The following CPPED1 variants were observed in gnomAD, a reference collection of about 807,000 sequenced individuals.
CPPED1 encodes the protein serine/threonine-protein phosphatase CPPED1.
CPPED1 carries 28 observed loss-of-function variants against 28.0 expected under a neutral mutation model. The ratio of observed to expected loss-of-function variants is 1.00; its 90% CI spans 0.74 to 1.37. The LOEUF (loss-of-function observed/expected upper bound fraction) is 1.37, where lower values mean the gene tolerates loss of function less well. CPPED1 is among the 40% of genes most tolerant of loss of function. CPPED1 has a pLI of 0.00. For missense variants in CPPED1, 504 were observed against 416.5 expected (o/e 1.21, Z -1.83); for synonymous variants, 198 against 180.2 (o/e 1.10, Z -0.79).
intron 2 of CPPED1, among the ~76,000 whole-genome samples, chr16:12,766,256 T>TATATATATATATATATATAGAGAGAGAG: frequency 2.2e-5 from 3 of 134,290 alleles, no homozygotes; most frequent in Admixed American, 7.0e-5. Context: ...TATATATATA[T>TATATATATATATATATATAGAGAGAGAG]AGAGAGAGAG....
At chr16:12,725,658 C>T (rs1215365080) in intron 2 of CPPED1, among the ~76,000 whole-genome samples, 1 of 152,040 alleles carries the variant, frequency 6.6e-6, no homozygotes, top group East Asian at 1.9e-4. Context: ...GTCAAAAGGA[C>T]CACAGGTAGA....
intron 2 of CPPED1, among the ~76,000 whole-genome samples, chr16:12,751,881 T>C (rs901232299): frequency 3.3e-5 from 5 of 152,228 alleles, no homozygotes; most frequent in African/African-American, 1.2e-4. Context: ...AAAGAAATTG[T>C]AGCCCAATAC....
chr16:12,671,576 T>C (rs1295481663), intron 3 of CPPED1, among the ~76,000 whole-genome samples: 1 of 152,180 alleles, frequency 6.6e-6, no homozygotes, highest in African/African-American at 2.4e-5. Context: ...TGGGCAGGTG[T>C]GGATCAGCTC....
intron 3 of CPPED1, among the ~76,000 whole-genome samples, chr16:12,691,673 G>A (rs1943402543): frequency 6.6e-6 from 1 of 152,014 alleles, no homozygotes; most frequent in African/African-American, 2.4e-5. Context: ...GGACACGGAT[G>A]AAGCTGGAAC....
At chr16:12,710,879 A>C (rs559315637) in intron 2 of CPPED1, among the ~76,000 whole-genome samples, 9 of 152,330 alleles carry the variant, frequency 5.9e-5, no homozygotes, top group African/African-American at 1.9e-4. Flanking sequence ...AACCTGGTGC[A>C]TTGTTGATGG....
At chr16:12,666,408 C>T (rs891237455) in intron 3 of CPPED1, among the ~76,000 whole-genome samples, 8 of 152,148 alleles carry the variant, frequency 5.3e-5, no homozygotes, top group Non-Finnish European at 1.0e-4. Context: ...AAGCCTGGCT[C>T]CCTGCTGGAA....
rs922204509 is a variant in CPPED1 at position 12,774,164 on chromosome 16, T to C, written c.289+7021A>G. 2.0e-5 allele frequency among the ~76,000 whole-genome samples: 3 copies of C among 152,134 alleles called. No individual in the cohort carries two copies. In the South Asian group the frequency reaches 6.2e-4, roughly 32 times the overall value. On this transcript the variant is annotated intron_variant, in intron 2 of 3. Coordinates refer to ENST00000381774, the MANE Select transcript of CPPED1 (RefSeq NM_018340.3). Reference sequence around the variant, plus strand: ...AGGGATGAGGAGGCATTCTGCTAGATGGCTTTTTAAAAATGTTCCCTCCAA... The same window carrying C: ...AGGGATGAGGAGGCATTCTGCTAGACGGCTTTTTAAAAATGTTCCCTCCAA...
At chr16:12,705,173 CA>C in intron 2 of CPPED1, 124 bp from the exon 3 acceptor site, 2 of 1,058,804 alleles carry the variant, frequency 1.9e-6, no homozygotes, top group East Asian at 5.2e-5. Context: ...CCACCTAGCA[CA>C]TGGAAACTGC....
chr16:12,669,670 TC>T lies in CPPED1; in HGVS notation c.716-4556del, dbSNP rs1190424765. Among the ~76,000 whole-genome samples, 3 of 152,322 alleles carry T rather than the reference TC, an allele frequency of 2.0e-5. No individual in the cohort carries two copies. In the East Asian group the frequency reaches 5.8e-4, roughly 29 times the overall value. On this transcript the variant is annotated intron_variant, in intron 3 of 3. Coordinates refer to ENST00000381774, the MANE Select transcript of CPPED1 (RefSeq NM_018340.3). ...ATAGGCCAGTACATAGACATTCGTT[TC>T]CTTGCTCTGTCAGCTGAGAGCCCCT...
rs1280674686 is a variant in CPPED1 at position 12,704,724 on chromosome 16, G to T, written c.615C>A (p.His205Gln). The T allele has an allele frequency of 1.2e-6, 2 of 1,614,240 alleles. No homozygotes were observed. The highest frequency in any genetic ancestry group is 1.7e-6 in the Non-Finnish European group (2 of 1,180,042). ...RHCQHAIVFQ[H>Q]IPLFLESIDE... ...CGATGCTCTCCAGGAACAGCGGGAT[G>T]TGCTGGAAGACGATGGCATGCTGGC... is the stretch of plus-strand genomic sequence containing the variant. The change falls in exon 3 of 4, where the codon CAC becomes CAA. Residue 205 changes from histidine (H) to glutamine (Q), a missense_variant. Physicochemically the swap from His to Gln is conservative, Grantham distance 24 (BLOSUM62 0). Coordinates refer to ENST00000381774, the MANE Select transcript of CPPED1 (RefSeq NM_018340.3).
chr16:12,691,450 G>C (rs1293188622), intron 3 of CPPED1, among the ~76,000 whole-genome samples: 1 of 152,018 alleles, frequency 6.6e-6, no homozygotes. Context: ...TGACCCAGCC[G>C]TCCCATTACT....
chr16:12,693,173 G>C (rs138232790), intron 3 of CPPED1, among the ~76,000 whole-genome samples: 19 of 152,146 alleles, frequency 1.2e-4, no homozygotes, highest in Non-Finnish European at 2.4e-4. Context: ...GGGCTCCCAG[G>C]ACAATGTCTG....
intron 1 of CPPED1, among the ~76,000 whole-genome samples, chr16:12,793,340 G>C (rs1457710980): frequency 1.3e-5 from 2 of 152,202 alleles, no homozygotes; most frequent in East Asian, 1.9e-4. Flanking sequence ...CAAGTACCCA[G>C]ACCCTAAGTC....
At chr16:12,665,648 G>T (rs1317466298) in intron 3 of CPPED1, among the ~76,000 whole-genome samples, 2 of 152,144 alleles carry the variant, frequency 1.3e-5, no homozygotes, top group Non-Finnish European at 2.9e-5. Flanking sequence ...AAAAAAAAAT[G>T]ACCAGGTGTG....
In CPPED1 at chr16:12,664,318, C is replaced by A; in HGVS notation, c.*568G>T. 1.0e-6 allele frequency: 1 copy of A among 963,616 alleles called. No individual in the cohort carries two copies. Among genetic ancestry groups the A allele is most frequent in the Non-Finnish European group, 1.2e-6 (1 of 809,826 alleles). 59.7% of individuals were successfully genotyped at this position (963,616 alleles called of 1,614,324 possible). A position where few individuals can be genotyped will look rare whatever the true frequency, so the allele number is the denominator to read the frequency against. ...ATTCTGTTCCTATCATCAGAAGTCT[C>A]AGAATTGAACAGTAAATGGTGCCTA... is the stretch of plus-strand genomic sequence containing the variant. On this transcript the variant is annotated 3_prime_UTR_variant, in exon 4 of 4. Coordinates refer to ENST00000381774, the MANE Select transcript of CPPED1 (RefSeq NM_018340.3). This position sits in a 1 kb window ranked among gnomAD's most constrained non-coding sequence, Gnocchi z 4.2.
intron 1 of CPPED1, among the ~76,000 whole-genome samples, chr16:12,789,737 G>A (rs909304160): frequency 2.0e-5 from 3 of 152,050 alleles, no homozygotes; most frequent in Non-Finnish European, 4.4e-5. Flanking sequence ...ATGTTGCCCA[G>A]GCTGGTCTAG....
In CPPED1 at chr16:12,766,937, G is replaced by A. The variant is rs74011894; in HGVS notation, c.289+14248C>T. On this transcript the variant is annotated intron_variant, in intron 2 of 3. Transcript: ENST00000381774. ...GCTATGAGCGACAGCATTCCCAGGT[G>A]GGAGCAGAACACAAGAGCATTCAGA... Among the ~76,000 whole-genome samples the A allele has an allele frequency of 7.1e-3, 1,082 of 152,160 alleles. 10 individuals are homozygous for A. Among genetic ancestry groups the A allele is most frequent in the African/African-American group, 0.024 (987 of 41,510 alleles).
intron 2 of CPPED1, among the ~76,000 whole-genome samples, chr16:12,770,479 A>G (rs1259477009): frequency 2.0e-5 from 3 of 152,226 alleles, no homozygotes; most frequent in African/African-American, 7.2e-5. Flanking sequence ...GGAAGGAGAA[A>G]AAGTAAATCA....
chr16:12,685,631 G>A (rs973181045), intron 3 of CPPED1, among the ~76,000 whole-genome samples: 2 of 152,114 alleles, frequency 1.3e-5, no homozygotes, highest in Non-Finnish European at 2.9e-5. Flanking sequence ...TTTCTTCCTT[G>A]CCTTTGGAGA....
Sources: allele counts gnomAD v4.1 joint callset (sites outside exome capture counted in the v4.1 genomes callset), GRCh38; gene constraint gnomAD v4.1.1; non-coding constraint Gnocchi (gnomAD v3.1); transcripts MANE v1.5; gene names NCBI Gene and HGNC (gene_info 2026-07-23, HGNC 2026-07-21).